The following SNX16 variants were observed in gnomAD, a reference collection of about 807,000 sequenced individuals.
The protein encoded by SNX16 is sorting nexin 16.
In SNX16, 35 loss-of-function variants were observed where a neutral mutation model predicts 36.7. The ratio of observed to expected loss-of-function variants is 0.95; its 90% CI spans 0.73 to 1.27. The LOEUF (loss-of-function observed/expected upper bound fraction) is 1.27, where lower values mean the gene tolerates loss of function less well. SNX16 is among the 50% of genes most tolerant of loss of function. SNX16 has a pLI of 0.00. For synonymous variants in SNX16, 134 were observed against 132.0 expected (o/e 1.02, Z -0.10); for missense variants, 367 against 393.6 (o/e 0.93, Z 0.57).
intron 4 of SNX16, among the ~76,000 whole-genome samples, chr8:81,822,037 C>T (rs972504924): frequency 2.6e-5 from 4 of 152,046 alleles, no homozygotes; most frequent in Admixed American, 1.3e-4. Context: ...CTAGTATCAT[C>T]TTAGAATATA....
intron 7 of SNX16, 62 bp from the exon 8 acceptor site, chr8:81,801,655 A>C (rs1003339596): frequency 3.1e-6 from 3 of 965,832 alleles, no homozygotes; most frequent in Non-Finnish European, 4.6e-6. Context: ...CTATTATTTC[A>C]TTTTCACTAT....
At chr8:81,833,158 A>C (rs1462980455) in intron 2 of SNX16, among the ~76,000 whole-genome samples, 1 of 148,094 alleles carries the variant, frequency 6.8e-6, no homozygotes, top group Admixed American at 6.9e-5. Context: ...TTAATAAAAT[A>C]ATTTCACCTA....
At chr8:81,802,566 A>G (rs1268267606) in intron 6 of SNX16, 67 bp from the exon 7 acceptor site, 2 of 1,402,720 alleles carry the variant, frequency 1.4e-6, no homozygotes, top group African/African-American at 2.9e-5. Flanking sequence ...AATGTTGTGA[A>G]TACAGGTAGC....
intron 5 of SNX16, among the ~76,000 whole-genome samples, chr8:81,808,890 A>G (rs1346091849): frequency 1.3e-5 from 2 of 152,202 alleles, no homozygotes; most frequent in Non-Finnish European, 2.9e-5. Context: ...GCATAGGCAA[A>G]AAACTCGAGG....
At chr8:81,822,956 A>AT (rs1810827855) in intron 4 of SNX16, among the ~76,000 whole-genome samples, 2 of 76,874 alleles carry the variant, frequency 2.6e-5, no homozygotes, top group African/African-American at 5.3e-5. Context: ...ACATATATAT[A>AT]TATATATATA....
In SNX16 at chr8:81,810,037, T is replaced by G. The variant is rs555169856; in HGVS notation, c.681+5288A>C. ...AGCAAGTGATTCTAAGAAAACAGCT[T>G]CATTACATATTACAATTTAGGTAGA... On this transcript the variant is annotated intron_variant, in intron 5 of 7. Coordinates refer to ENST00000345957, the MANE Select transcript of SNX16 (RefSeq NM_152836.3). 3.3e-5 allele frequency among the ~76,000 whole-genome samples: 5 copies of G among 152,272 alleles called. No homozygotes were observed. The South Asian group carries it at 1.0e-3, about 32-fold the overall frequency.
chr8:81,804,283 G>T (rs910323608), intron 5 of SNX16, among the ~76,000 whole-genome samples: 1 of 152,106 alleles, frequency 6.6e-6, no homozygotes. Context: ...TGTACTTTAA[G>T]AAGTAGTTAA....
chr8:81,805,604 G>A (rs983558428), intron 5 of SNX16, among the ~76,000 whole-genome samples: 1 of 152,164 alleles, frequency 6.6e-6, no homozygotes, highest in African/African-American at 2.4e-5. Flanking sequence ...TATGTTAAGA[G>A]ATTTTCAAAA....
At chr8:81,813,579 A>G (rs1269826017) in intron 5 of SNX16, among the ~76,000 whole-genome samples, 4 of 151,868 alleles carry the variant, frequency 2.6e-5, no homozygotes, top group Non-Finnish European at 5.9e-5. Context: ...AAAAAGTGAT[A>G]AAATAAATTC....
At chr8:81,817,668 A>C (rs1810554577) in intron 4 of SNX16, among the ~76,000 whole-genome samples, 1 of 152,192 alleles carries the variant, frequency 6.6e-6, no homozygotes, top group Non-Finnish European at 1.5e-5. Flanking sequence ...CAGTCAGTAA[A>C]GAAAGCAGTC....
chr8:81,801,423 C>T lies in SNX16; in HGVS notation c.*74G>A. 3 of 825,504 alleles carry T rather than the reference C, an allele frequency of 3.6e-6. No homozygotes were observed. The highest frequency in any genetic ancestry group is 5.6e-6 in the Non-Finnish European group (3 of 534,902). 51.1% of individuals were successfully genotyped at this position (825,504 alleles called of 1,614,324 possible). ...TCTATATGTTTTACAGTTCTTGGTT[C>T]TTCTTTTAAAATAGTATTTGCCACT... On this transcript the variant is annotated 3_prime_UTR_variant, in exon 8 of 8. Coordinates refer to ENST00000345957, the MANE Select transcript of SNX16 (RefSeq NM_152836.3).
intron 5 of SNX16, among the ~76,000 whole-genome samples, chr8:81,810,570 A>G (rs928194567): frequency 1.3e-5 from 2 of 152,218 alleles, no homozygotes; most frequent in African/African-American, 4.8e-5. Context: ...TTCAAATACA[A>G]CTGTAGGAAA....
At chr8:81,802,584 G>C in intron 6 of SNX16, 85 bp from the exon 7 acceptor site, 1 of 1,149,246 alleles carries the variant, frequency 8.7e-7, no homozygotes, top group Non-Finnish European at 1.2e-6. Flanking sequence ...AGCTATAGCA[G>C]TCTTTAGCTG....
At chr8:81,810,997 A>AT (rs1345138672) in intron 5 of SNX16, among the ~76,000 whole-genome samples, 2 of 152,280 alleles carry the variant, frequency 1.3e-5, no homozygotes, top group East Asian at 1.9e-4. Flanking sequence ...TCAAATTATT[A>AT]TTTTTTTGTA....
At chr8:81,829,580 A>C in intron 2 of SNX16, 64 bp from the exon 3 acceptor site, 1 of 693,610 alleles carries the variant, frequency 1.4e-6, no homozygotes, top group East Asian at 3.5e-5. Flanking sequence ...TAAAAACTCA[A>C]GCCAAATATT....
intron 2 of SNX16, among the ~76,000 whole-genome samples, chr8:81,832,775 A>G (rs1056722934): frequency 1.3e-5 from 2 of 151,002 alleles, no homozygotes; most frequent in African/African-American, 4.9e-5. Context: ...GTTATTTATG[A>G]TAGAATCTCA....
chr8:81,805,451 TAA>T (rs1809888333), intron 5 of SNX16, among the ~76,000 whole-genome samples: 3 of 151,878 alleles, frequency 2.0e-5, no homozygotes, highest in South Asian at 4.2e-4. Flanking sequence ...AGAAAGGAAT[TAA>T]GAGACAGGAA....
Position 81,839,679 on chromosome 8 carries a change from C to A in SNX16, c.308G>T (p.Trp103Leu). The A allele has an allele frequency of 6.2e-7, 1 of 1,613,744 alleles. No individual in the cohort carries two copies. Residue 103 changes from tryptophan (W) to leucine (L), a missense_variant, in exon 2 of 8, where the codon TGG becomes TTG. Coordinates refer to ENST00000345957, the MANE Select transcript of SNX16 (RefSeq NM_152836.3). ...AGTAGGTGTAGATGGTCTATCTTCC[C>A]AATTCACTGTTTCCGGATTTTGTTC... is the stretch of plus-strand genomic sequence containing the variant. Reference protein sequence around the residue: ...TEEQNPETVNWEDRPSTPTIL... With the variant: ...TEEQNPETVNLEDRPSTPTIL...
rs1187058662 is a variant in SNX16 at position 81,824,958 on chromosome 8, G to A, written c.463-1018C>T. Among the ~76,000 whole-genome samples the A allele has an allele frequency of 3.3e-5, 5 of 152,280 alleles. No individual in the cohort carries two copies. The South Asian group carries it at 1.0e-3, about 32-fold the overall frequency. ...GTGGATGATGCTGGCTGCTGGCTGAGAACTTTGCCAAGGTTGTCAGCCATA... is the reference window on the plus strand; with the variant it reads ...GTGGATGATGCTGGCTGCTGGCTGAAAACTTTGCCAAGGTTGTCAGCCATA... On this transcript the variant is annotated intron_variant, in intron 3 of 7. Coordinates refer to ENST00000345957, the MANE Select transcript of SNX16 (RefSeq NM_152836.3).
Sources: gnomAD v4.1 joint callset for allele counts (sites outside exome capture counted in the v4.1 genomes callset) on GRCh38, gnomAD v4.1.1 for gene constraint, MANE v1.5 for transcripts, NCBI Gene and HGNC (gene_info 2026-07-23, HGNC 2026-07-21) for gene names.